CFAP95: variants seen among roughly 807,000 people sequenced by gnomAD.
CFAP95 encodes cilia- and flagella-associated protein 95.
At chr9:69,827,258 C>G in the CFAP95 span, among the ~76,000 whole-genome samples, 1 of 152,088 alleles carries the variant, frequency 6.6e-6, no homozygotes, top group Non-Finnish European at 1.5e-5. Flanking sequence ...ATCATGCAGG[C>G]ATTTAAGATG....
chr9:69,852,556 G>T, the CFAP95 span, among the ~76,000 whole-genome samples: 1 of 152,136 alleles, frequency 6.6e-6, no homozygotes, highest in Non-Finnish European at 1.5e-5. Flanking sequence ...TCCACCCTGA[G>T]AGTGGGGCCT....
At chr9:69,905,944 TC>T in the CFAP95 span, 3 of 1,498,480 alleles carry the variant, frequency 2.0e-6, no homozygotes, top group South Asian at 1.4e-5. Flanking sequence ...TTCTCTTTTT[TC>T]CCCCATAGGC....
chr9:69,827,579 T>C, the CFAP95 span, among the ~76,000 whole-genome samples: 3 of 152,218 alleles, frequency 2.0e-5, no homozygotes, highest in Non-Finnish European at 1.5e-5. Flanking sequence ...GCTGAGGTTA[T>C]GTGACATTTT....
the CFAP95 span, among the ~76,000 whole-genome samples, chr9:69,826,506 A>G: frequency 6.6e-6 from 1 of 152,344 alleles, no homozygotes; most frequent in East Asian, 1.9e-4. Context: ...AAGAAAAAAA[A>G]GTAAGGACCC....
chr9:69,843,095 A>C, the CFAP95 span, among the ~76,000 whole-genome samples: 1 of 152,050 alleles, frequency 6.6e-6, no homozygotes, highest in Admixed American at 6.6e-5. Flanking sequence ...GATTTTTCTT[A>C]TTTTTGTGTC....
At chr9:69,844,709 G>A in the CFAP95 span, 1 of 948,050 alleles carries the variant, frequency 1.1e-6, no homozygotes, top group Non-Finnish European at 1.6e-6. Flanking sequence ...AGTGTTTTGT[G>A]CAGCACCATC....
the CFAP95 span, among the ~76,000 whole-genome samples, chr9:69,904,504 A>G: frequency 6.6e-5 from 10 of 152,156 alleles, no homozygotes; most frequent in Non-Finnish European, 1.3e-4. Flanking sequence ...TTCCTCCTCT[A>G]GTCTTTAATG....
At chr9:69,859,537 C>T in the CFAP95 span, among the ~76,000 whole-genome samples, 3 of 152,252 alleles carry the variant, frequency 2.0e-5, no homozygotes, top group East Asian at 5.8e-4. Context: ...TTTCCTCAAG[C>T]ACCTGCTAAT....
the CFAP95 span, among the ~76,000 whole-genome samples, chr9:69,880,354 A>T: frequency 5.9e-5 from 9 of 152,062 alleles, no homozygotes; most frequent in Non-Finnish European, 1.3e-4. Flanking sequence ...CCCTATGTCC[A>T]TGAGTTCAGT....
chr9:69,895,003 A>G, the CFAP95 span, among the ~76,000 whole-genome samples: 4 of 151,988 alleles, frequency 2.6e-5, no homozygotes, highest in Admixed American at 2.6e-4. Flanking sequence ...AAAAAAAGAA[A>G]AAAAAAAAAA....
At chr9:69,899,145 T>C in the CFAP95 span, among the ~76,000 whole-genome samples, 10 of 152,242 alleles carry the variant, frequency 6.6e-5, no homozygotes, top group Non-Finnish European at 1.5e-4. Context: ...TTGTCCTTCC[T>C]TAAGTAAACT....
chr9:69,849,437 C>G, the CFAP95 span, among the ~76,000 whole-genome samples: 1 of 151,936 alleles, frequency 6.6e-6, no homozygotes, highest in Non-Finnish European at 1.5e-5. Flanking sequence ...TTTTTGAGGC[C>G]CCATTACTTT....
At chr9:69,889,314 G>A in the CFAP95 span, among the ~76,000 whole-genome samples, 2 of 152,158 alleles carry the variant, frequency 1.3e-5, no homozygotes, top group Non-Finnish European at 2.9e-5. Flanking sequence ...TTTTCTATAC[G>A]TTGCTTACTG....
chr9:69,894,648 A>C, the CFAP95 span, among the ~76,000 whole-genome samples: 4 of 152,330 alleles, frequency 2.6e-5, no homozygotes, highest in African/African-American at 9.6e-5. Flanking sequence ...ATAACACACC[A>C]TGTAAGTGTT....
At chr9:69,831,816 AT>A in the CFAP95 span, among the ~76,000 whole-genome samples, 1 of 152,088 alleles carries the variant, frequency 6.6e-6, no homozygotes, top group Non-Finnish European at 1.5e-5. Context: ...ACGTGTGGGC[AT>A]TTTTTGTTGC....
the CFAP95 span, among the ~76,000 whole-genome samples, chr9:69,884,867 A>C: frequency 6.6e-6 from 1 of 151,964 alleles, no homozygotes; most frequent in African/African-American, 2.4e-5. Flanking sequence ...TTAAAAAAAA[A>C]CCCATTTGAT....
chr9:69,842,835 G>C, the CFAP95 span, among the ~76,000 whole-genome samples: 1 of 152,218 alleles, frequency 6.6e-6, no homozygotes, highest in Admixed American at 6.5e-5. Flanking sequence ...GAGGAGAGAA[G>C]AGGGCTCAGG....
chr9:69,826,072 G>A, the CFAP95 span, among the ~76,000 whole-genome samples: 2 of 152,152 alleles, frequency 1.3e-5, no homozygotes, highest in African/African-American at 4.8e-5. Flanking sequence ...TAATTGTGGG[G>A]TAGGGAATTT....
At chr9:69,825,414 C>T in the CFAP95 span, among the ~76,000 whole-genome samples, 6,977 of 152,144 alleles carry the variant, frequency 0.046, 522 homozygotes, top group African/African-American at 0.16. Flanking sequence ...GTATAATAGA[C>T]GTGATAAAGT....
Sources: allele counts gnomAD v4.1 joint callset (sites outside exome capture counted in the v4.1 genomes callset), GRCh38; gene constraint gnomAD v4.1.1; transcripts MANE v1.5; gene names NCBI Gene and HGNC (gene_info 2026-07-23, HGNC 2026-07-21).